The following NSD3 variants were observed in gnomAD, a reference collection of about 807,000 sequenced individuals.
NSD3 encodes the protein histone-lysine N-methyltransferase NSD3.
Under a neutral mutation model 160.8 loss-of-function variants are expected in NSD3, and 24 were observed. The ratio of observed to expected loss-of-function variants is 0.15; its 90% CI spans 0.11 to 0.21. The LOEUF is 0.21. Among genes scored for constraint, NSD3 ranks in the 10% least tolerant of loss-of-function variants. The pLI, the probability that NSD3 is intolerant of heterozygous loss-of-function variation, is 1.00. For synonymous variants in NSD3, 520 were observed against 600.0 expected (o/e 0.87, Z 1.95); for missense variants, 1,157 against 1,735.9 (o/e 0.67, Z 5.93).
chr8:38,296,784 C>G (rs1809160959), intron 15 of NSD3, among the ~76,000 whole-genome samples: 1 of 150,962 alleles, frequency 6.6e-6, no homozygotes, highest in Non-Finnish European at 1.5e-5. Flanking sequence ...TCTATCTTGC[C>G]CAGGCTGGTC....
At position 38,347,833 on chromosome 8, in the gene NSD3, A is replaced by C; in HGVS notation, c.339T>G (p.His113Gln). ...VRNFSPTDYY[H>Q]SEIPNTRPHE... ...GTGGTCTTGTGTTTGGAATTTCTGA[A>C]TGATAATAGTCAGTGGGGCTAAAGT... The change falls in exon 2 of 24, where the codon CAT becomes CAG. Residue 113 changes from histidine to glutamine, a missense_variant. His to Gln is a conservative substitution (Grantham distance 24). Around this residue, in one of 10 missense-constraint regions of NSD3, gnomAD observed 121 missense variants for 177.2 expected, o/e 0.68. Transcript: ENST00000317025. 1 of 1,614,168 alleles carries C rather than the reference A, an allele frequency of 6.2e-7. No individual in the cohort carries two copies. Among genetic ancestry groups the C allele is most frequent in the Non-Finnish European group, 8.5e-7 (1 of 1,180,030 alleles).
At chr8:38,305,151 G>T (rs2131009807) in intron 13 of NSD3, 97 bp downstream of exon 13, 1 of 1,235,620 alleles carries the variant, frequency 8.1e-7, no homozygotes, top group African/African-American at 1.5e-5. Flanking sequence ...ATACACAGAA[G>T]AAGAATGCCT....
chr8:38,377,001 T>A (rs960403356), intron 1 of NSD3, among the ~76,000 whole-genome samples: 1 of 149,240 alleles, frequency 6.7e-6, no homozygotes, highest in East Asian at 1.9e-4. Context: ...CAAGACTCTT[T>A]AAAAAAAAAA....
intron 21 of NSD3, among the ~76,000 whole-genome samples, chr8:38,279,235 T>G (rs1040507234): frequency 7.9e-5 from 12 of 152,260 alleles, no homozygotes; most frequent in African/African-American, 2.9e-4. Flanking sequence ...TTACACTCTA[T>G]GGACAGCAGC....
chr8:38,323,078 G>A (rs150576536), intron 7 of NSD3, among the ~76,000 whole-genome samples: 2,458 of 151,948 alleles, frequency 0.016, 62 homozygotes, highest in African/African-American at 0.057. Context: ...TTTTTGAGAC[G>A]GAGTCTCTCC....
At chr8:38,381,489 C>A (rs1441273673) in intron 1 of NSD3, 2 of 147,622 alleles carry the variant, frequency 1.4e-5, no homozygotes, top group African/African-American at 5.1e-5. Flanking sequence ...TTATCCCCGC[C>A]CCCATCCCAC....
chr8:38,353,209 G>T (rs937437066), intron 1 of NSD3, among the ~76,000 whole-genome samples: 40 of 152,254 alleles, frequency 2.6e-4, no homozygotes, highest in Admixed American at 6.5e-4. Flanking sequence ...CAGTTCCAGG[G>T]TCTGTGCTCT....
intron 1 of NSD3, among the ~76,000 whole-genome samples, chr8:38,357,842 G>T (rs868635069): frequency 6.6e-6 from 1 of 152,044 alleles, no homozygotes; most frequent in Admixed American, 6.6e-5. Context: ...AGCTGCTGTG[G>T]GTCTTTGCAT....
chr8:38,375,587 T>TA (rs1450057848), intron 1 of NSD3, among the ~76,000 whole-genome samples: 6 of 152,014 alleles, frequency 3.9e-5, no homozygotes, highest in Non-Finnish European at 7.4e-5. Context: ...GTAAGCTTTT[T>TA]AAAAAAAGGT....
chr8:38,333,983 G>C lies in NSD3; in HGVS notation c.911-2398C>G, dbSNP rs1411752120. On this transcript the variant is annotated intron_variant, in intron 4 of 23. Transcript: ENST00000317025. ...TGCTTAGATAGAAAGCAACACAGGA[G>C]ATTCACTCATTTCTCTGGGTATCTC... 3.9e-5 allele frequency among the ~76,000 whole-genome samples: 6 copies of C among 152,326 alleles called. No individual in the cohort carries two copies. The South Asian group carries it at 6.2e-4, about 16-fold the overall frequency.
chr8:38,344,356 C>T (rs1810460929), intron 2 of NSD3, among the ~76,000 whole-genome samples: 1 of 152,148 alleles, frequency 6.6e-6, no homozygotes, highest in East Asian at 1.9e-4. Flanking sequence ...ACTGCAATCT[C>T]CACCTCCCAG....
chr8:38,377,451 C>A (rs1811422353), intron 1 of NSD3, among the ~76,000 whole-genome samples: 1 of 152,302 alleles, frequency 6.6e-6, no homozygotes, highest in Admixed American at 6.5e-5. Context: ...GGGGTTCAGG[C>A]AGTTCTCCCA....
intron 1 of NSD3, among the ~76,000 whole-genome samples, chr8:38,372,495 C>CTTT (rs565709775): frequency 3.0e-5 from 4 of 132,724 alleles, no homozygotes; most frequent in African/African-American, 1.1e-4. Context: ...TCTTCAGGTT[C>CTTT]TTTTTTTTTT....
Position 38,276,404 on chromosome 8 carries a change from C to A in NSD3, c.3964G>T (p.Asp1322Tyr). The A allele has an allele frequency of 6.2e-7, 1 of 1,614,238 alleles. No individual in the cohort carries two copies. Among genetic ancestry groups the A allele is most frequent in the Non-Finnish European group, 8.5e-7 (1 of 1,180,048 alleles). ...IKTEPKQMHE[D>Y]YCFQCGDGGE... is the part of the protein sequence containing the mutation. ...CCATCTCCACATTGAAAACAGTAATCTTCATGCATCTGCTTTGGTTCTGTT... is the reference window on the plus strand; with the variant it reads ...CCATCTCCACATTGAAAACAGTAATATTCATGCATCTGCTTTGGTTCTGTT... Residue 1322 changes from aspartate (D) to tyrosine (Y), a missense_variant, in exon 23 of 24, where the codon GAT (aspartate) becomes TAT (tyrosine). Transcript: ENST00000317025.
intron 21 of NSD3, 49 bp downstream of exon 21, chr8:38,279,491 A>T (rs1459095427): frequency 9.3e-6 from 15 of 1,604,860 alleles, no homozygotes; most frequent in Non-Finnish European, 1.3e-5. Flanking sequence ...TCTATAGGAT[A>T]TTCTTTCTTC....
intron 14 of NSD3, among the ~76,000 whole-genome samples, chr8:38,302,260 C>G (rs1809295036): frequency 6.6e-6 from 1 of 152,182 alleles, no homozygotes; most frequent in South Asian, 2.1e-4. Context: ...GTGCTCCTTT[C>G]TGTGTGTGGA....
Position 38,329,635 on chromosome 8 carries a change from G to A in NSD3, c.1324C>T (p.Leu442Phe), listed in dbSNP as rs746865495. ...QTNAGEVASS[L>F]SSTEIRRHSQ... ...TGTCTCCGAATTTCAGTACTTGAGA[G>A]TGAGGAGGCCACCTCCCCTGCATTG... Residue 442 changes from leucine (L) to phenylalanine (F), a missense_variant, in exon 6 of 24, where the codon CTC (leucine) becomes TTC (phenylalanine). Transcript: ENST00000317025. The surrounding 1 kb of genome is among the most constrained non-coding windows in gnomAD (Gnocchi z 4.8). The A allele has an allele frequency of 1.9e-6, 3 of 1,614,124 alleles. No individual in the cohort carries two copies. Among genetic ancestry groups the A allele is most frequent in the South Asian group, 1.1e-5 (1 of 91,088 alleles).
At chr8:38,342,644 T>G (rs1810404461) in intron 2 of NSD3, among the ~76,000 whole-genome samples, 1 of 152,032 alleles carries the variant, frequency 6.6e-6, no homozygotes, top group South Asian at 2.1e-4. Context: ...CTCGGCTCAC[T>G]ACAACCTCTG....
At chr8:38,342,089 A>C (rs1810385090) in intron 2 of NSD3, among the ~76,000 whole-genome samples, 1 of 152,228 alleles carries the variant, frequency 6.6e-6, no homozygotes, top group Non-Finnish European at 1.5e-5. Context: ...AAAGAATTAA[A>C]GTTTTTTACA....
Sources: gnomAD v4.1 joint callset for allele counts (sites outside exome capture counted in the v4.1 genomes callset) on GRCh38, gnomAD v4.1.1 for gene constraint, gnomAD v4.1.1 regional missense constraint, Gnocchi (gnomAD v3.1) non-coding constraint, MANE v1.5 for transcripts, NCBI Gene and HGNC (gene_info 2026-07-23, HGNC 2026-07-21) for gene names.